Variants in ANXA8 observed in about 807,000 individuals in gnomAD.
ANXA8 encodes the protein annexin A8.
A neutral mutation model predicts 26.8 loss-of-function variants in ANXA8; 9 were observed. The observed-to-expected ratio is 0.34, with a 90% confidence interval of 0.20 to 0.59. The LOEUF is 0.59. Ranked by LOEUF, ANXA8 falls within the 20% of genes least tolerant of loss-of-function variation. ANXA8 has a pLI of 0.84. For synonymous variants in ANXA8, 39 were observed against 94.8 expected (o/e 0.41, Z 3.42); for missense variants, 83 against 238.5 (o/e 0.35, Z 4.29).
At chr10:47,647,067 G>A in the ANXA8 span, among the ~76,000 whole-genome samples, 1 of 152,224 alleles carries the variant, frequency 6.6e-6, no homozygotes, top group Non-Finnish European at 1.5e-5. Flanking sequence ...TGAGCACTGT[G>A]TGCTCCTATG....
At chr10:47,581,008 A>G in the ANXA8 span, among the ~76,000 whole-genome samples, 9 of 150,542 alleles carry the variant, frequency 6.0e-5, no homozygotes, top group African/African-American at 2.2e-4. Context: ...TCTGGGAGAC[A>G]GAGGTTTCAG....
At chr10:47,733,132 C>G in the ANXA8 span, among the ~76,000 whole-genome samples, 243 of 149,348 alleles carry the variant, frequency 1.6e-3, no homozygotes, top group African/African-American at 5.6e-3. Flanking sequence ...CCTGGTTACC[C>G]CAACTCCCTA....
At chr10:47,937,873 T>A in the ANXA8 span, among the ~76,000 whole-genome samples, 6 of 142,158 alleles carry the variant, frequency 4.2e-5, no homozygotes, top group Admixed American at 6.8e-5. Flanking sequence ...TTTTTATGGC[T>A]GCATAGTATT....
chr10:47,586,683 G>C, the ANXA8 span, among the ~76,000 whole-genome samples: 2 of 145,916 alleles, frequency 1.4e-5, no homozygotes, highest in Non-Finnish European at 2.9e-5. Context: ...TGGAAGGAGG[G>C]ATGAGGTGAC....
At chr10:47,957,513 G>A in the ANXA8 span, among the ~76,000 whole-genome samples, 1 of 150,614 alleles carries the variant, frequency 6.6e-6, no homozygotes, top group East Asian at 2.0e-4. Context: ...TTTCCCGAGA[G>A]CGCTCTGGGA....
chr10:47,896,852 A>T, the ANXA8 span, among the ~76,000 whole-genome samples: 6 of 152,108 alleles, frequency 3.9e-5, no homozygotes, highest in Non-Finnish European at 5.9e-5. Flanking sequence ...TTGTGAAAAA[A>T]GTCACAATTG....
At chr10:47,591,536 C>T in the ANXA8 span, among the ~76,000 whole-genome samples, 2 of 138,124 alleles carry the variant, frequency 1.4e-5, no homozygotes, top group African/African-American at 3.1e-5. Context: ...CTCCACCTCC[C>T]GGGTTCACGA....
the ANXA8 span, among the ~76,000 whole-genome samples, chr10:47,555,548 G>A: frequency 1.8e-4 from 28 of 152,016 alleles, no homozygotes; most frequent in African/African-American, 6.3e-4. Context: ...TGACCAATAC[G>A]CTATCATTTG....
chr10:47,980,364 G>A, the ANXA8 span, among the ~76,000 whole-genome samples: 19 of 151,240 alleles, frequency 1.3e-4, no homozygotes, highest in Non-Finnish European at 2.5e-4. Context: ...TAAGAAAGTA[G>A]AAAAGGAAGC....
chr10:47,679,341 G>A, the ANXA8 span, among the ~76,000 whole-genome samples: 1 of 152,270 alleles, frequency 6.6e-6, no homozygotes, highest in Non-Finnish European at 1.5e-5. Context: ...ATTAGTGCCA[G>A]TCATGGTGGC....
chr10:47,966,508 G>A, the ANXA8 span, among the ~76,000 whole-genome samples: 6 of 149,136 alleles, frequency 4.0e-5, no homozygotes, highest in African/African-American at 1.5e-4. Flanking sequence ...TCTGCATTGA[G>A]TACTAGGCCT....
chr10:47,590,641 G>A, the ANXA8 span, among the ~76,000 whole-genome samples: 2,083 of 145,614 alleles, frequency 0.014, 289 homozygotes, highest in African/African-American at 0.055. Context: ...TGATAATGCT[G>A]TCTTCTAGAG....
the ANXA8 span, chr10:47,690,908 A>C: frequency 1.2e-6 from 2 of 1,611,476 alleles, no homozygotes; most frequent in Non-Finnish European, 1.7e-6. Context: ...GTAGCTAAGA[A>C]AATGAAGTTG....
the ANXA8 span, among the ~76,000 whole-genome samples, chr10:47,726,644 A>G: frequency 6.6e-6 from 1 of 152,410 alleles, no homozygotes; most frequent in Non-Finnish European, 1.5e-5. Context: ...AAAATGTAGT[A>G]ATTTATCATT....
the ANXA8 span, among the ~76,000 whole-genome samples, chr10:47,953,765 C>G: frequency 6.6e-6 from 1 of 150,600 alleles, no homozygotes; most frequent in Non-Finnish European, 1.5e-5. Context: ...AGAGGTCATA[C>G]AAATGACACA....
chr10:47,871,445 G>C, the ANXA8 span, among the ~76,000 whole-genome samples: 1 of 150,920 alleles, frequency 6.6e-6, no homozygotes, highest in African/African-American at 2.4e-5. Context: ...CTTAATAAGA[G>C]CACGATCAAC....
the ANXA8 span, among the ~76,000 whole-genome samples, chr10:47,500,485 C>T: frequency 6.6e-6 from 1 of 151,592 alleles, no homozygotes; most frequent in Admixed American, 6.6e-5. Context: ...GGAAAACCAC[C>T]CTGTCTTGCC....
chr10:47,521,841 C>T, the ANXA8 span, among the ~76,000 whole-genome samples: 5 of 150,768 alleles, frequency 3.3e-5, no homozygotes, highest in Non-Finnish European at 7.4e-5. Context: ...AGTGCATTGG[C>T]GTGATCTCTG....
chr10:47,566,130 A>G, the ANXA8 span: 1 of 432,900 alleles, frequency 2.3e-6, no homozygotes, highest in South Asian at 1.2e-4. Flanking sequence ...ATCCAGAAGT[A>G]AATATTTCGA....
Sources: allele counts gnomAD v4.1 joint callset (sites outside exome capture counted in the v4.1 genomes callset), GRCh38; gene constraint gnomAD v4.1.1; transcripts MANE v1.5; gene names NCBI Gene and HGNC (gene_info 2026-07-23, HGNC 2026-07-21).